BCAM: variants seen among roughly 807,000 people sequenced by gnomAD.
BCAM encodes basal cell adhesion molecule.
A neutral mutation model predicts 72.4 loss-of-function variants in BCAM; 61 were observed. That is an observed-to-expected ratio of 0.84 (90% CI 0.69 to 1.04). The LOEUF (loss-of-function observed/expected upper bound fraction) is 1.04, where lower values mean the gene tolerates loss of function less well. Ranked by LOEUF, BCAM falls within the 50% of genes least tolerant of loss-of-function variation. BCAM has a pLI of 0.00. For missense variants in BCAM, 909 were observed against 895.0 expected (o/e 1.02, Z -0.20); for synonymous variants, 408 against 384.2 (o/e 1.06, Z -0.73).
In BCAM at chr19:44,818,255, A is replaced by G. The variant is rs558114376; in HGVS notation, c.1079-267A>G. On this transcript the variant is annotated intron_variant, in intron 8 of 14. Transcript: ENST00000270233. This position sits in a 1 kb window ranked among gnomAD's most constrained non-coding sequence, Gnocchi z 4.6. ...AGGGACACCTTCCACACCTAAGGTT[A>G]TTCATTAACCTTGGGCTCAGATGTC... is the stretch of plus-strand genomic sequence containing the variant. Among the ~76,000 whole-genome samples the G allele has an allele frequency of 1.4e-3, 219 of 152,344 alleles. No individual in the cohort carries two copies. The highest frequency in any genetic ancestry group is 5.2e-3 in the African/African-American group (215 of 41,590).
At chr19:44,815,390 C>T (rs1968491749) in intron 8 of BCAM, among the ~76,000 whole-genome samples, 1 of 152,162 alleles carries the variant, frequency 6.6e-6, no homozygotes, top group Non-Finnish European at 1.5e-5. Context: ...CTGGGGTAGA[C>T]CCTGCGCCAG....
Position 44,820,812 on chromosome 19 carries a change from T to C in BCAM, c.1871T>C (p.Phe624Ser), listed in dbSNP as rs1484263713. Residue 624 changes from phenylalanine (F) to serine (S), a missense_variant, in exon 14 of 15, where the codon TTC becomes TCC. Coordinates refer to ENST00000270233, the MANE Select transcript of BCAM (RefSeq NM_005581.5). ...SGGARGGSGGFGDEC is the reference protein window; with the variant it reads ...SGGARGGSGGSGDEC The stretch of plus-strand genomic sequence containing the variant: ...GGAGCCAGGGGTGGCAGCGGGGGCT[T>C]CGGAGACGAGGTGGGTGAGGGCCTG... 6.6e-7 allele frequency: 1 copy of C among 1,511,228 alleles called. No homozygotes were observed. The highest frequency in any genetic ancestry group is 8.9e-7 in the Non-Finnish European group (1 of 1,127,352). 93.6% of individuals were successfully genotyped at this position (1,511,228 alleles called of 1,614,324 possible).
Position 44,814,881 on chromosome 19 carries a change from C to T in BCAM, c.1078+121C>T. On this transcript the variant is annotated intron_variant, in intron 8 of 14. Coordinates refer to ENST00000270233, the MANE Select transcript of BCAM (RefSeq NM_005581.5). The surrounding 1 kb of genome is among the most constrained non-coding windows in gnomAD (Gnocchi z 4.6). ...AAACACTCTGCCTTCAACCCTTTCT[C>T]TGCATTTCTTGGGGGTTTTTTTGGT... The T allele has an allele frequency of 9.7e-7, 1 of 1,031,876 alleles. No individual in the cohort carries two copies. Among genetic ancestry groups the T allele is most frequent in the South Asian group, 3.2e-5 (1 of 31,010 alleles). The allele number at this position is 1,031,876 out of a possible 1,614,324, so 63.9% of individuals were successfully genotyped here. A position where few individuals can be genotyped will look rare whatever the true frequency, so the allele number is the denominator to read the frequency against.
rs763419666 is a variant in BCAM, at chr19:44,813,425, C to G, written c.602-13C>G. 6.2e-7 allele frequency: 1 copy of G among 1,608,328 alleles called. No homozygotes were observed. Among genetic ancestry groups the G allele is most frequent in the South Asian group, 1.1e-5 (1 of 90,942 alleles). On this transcript the variant is annotated splice_polypyrimidine_tract_variant and intron_variant, in intron 5 of 14. Coordinates refer to ENST00000270233, the MANE Select transcript of BCAM (RefSeq NM_005581.5). This position sits in a 1 kb window ranked among gnomAD's most constrained non-coding sequence, Gnocchi z 4.2. Reference sequence around the variant, plus strand: ...TGGCCTGGCTGACTGCCACCTCCCCCGATCTCTCCCAGAGGGCTACATGAC... The same window carrying G: ...TGGCCTGGCTGACTGCCACCTCCCCGGATCTCTCCCAGAGGGCTACATGAC...
chr19:44,813,581 G>C lies in BCAM; in HGVS notation c.745G>C (p.Gly249Arg). The C allele has an allele frequency of 6.2e-7, 1 of 1,612,518 alleles. No homozygotes were observed. Residue 249 changes from glycine (G) to arginine (R), a missense_variant, in exon 6 of 15, where the codon GGC becomes CGC. By Grantham distance (125) the Gly-to-Arg change is moderately radical. Transcript: ENST00000270233. The surrounding 1 kb of genome is among the most constrained non-coding windows in gnomAD (Gnocchi z 4.2). ...AHYSLPEGRHGRLDSPTFHLT... is the reference protein window; with the variant it reads ...AHYSLPEGRHRRLDSPTFHLT... ...CTACAGCCTGCCCGAGGGCCGCCACGGCCGCCTGGACAGCCCCACCTTCCA... is the reference window on the plus strand; with the variant it reads ...CTACAGCCTGCCCGAGGGCCGCCACCGCCGCCTGGACAGCCCCACCTTCCA...
chr19:44,809,431 G>A (rs1968388232), intron 1 of BCAM, among the ~76,000 whole-genome samples: 1 of 152,020 alleles, frequency 6.6e-6, no homozygotes, highest in African/African-American at 2.4e-5. Context: ...GACAACCAGA[G>A]AAGTCAGCCC....
chr19:44,821,128 G>C lies in BCAM; in HGVS notation c.*207G>C. 1.9e-6 allele frequency: 1 copy of C among 523,720 alleles called. No individual in the cohort carries two copies. 32.4% of individuals were successfully genotyped at this position (523,720 alleles called of 1,614,324 possible). A position where few individuals can be genotyped will look rare whatever the true frequency, so the allele number is the denominator to read the frequency against. On this transcript the variant is annotated 3_prime_UTR_variant, in exon 15 of 15. Coordinates refer to ENST00000270233, the MANE Select transcript of BCAM (RefSeq NM_005581.5). ...AAGGAGAGGGAGGGTGGGTGGGTGGGAGGGGGCCTTCCTCCAGGGAATGTG... is the reference window on the plus strand; with the variant it reads ...AAGGAGAGGGAGGGTGGGTGGGTGGCAGGGGGCCTTCCTCCAGGGAATGTG...
chr19:44,819,805 T>C (rs1156485484), intron 13 of BCAM, 79 bp downstream of exon 13: 2 of 1,459,464 alleles, frequency 1.4e-6, no homozygotes, highest in Non-Finnish European at 9.0e-7. Flanking sequence ...ACCCATAACC[T>C]CAACCACATC....
chr19:44,810,179 G>GA (rs1160755489), intron 1 of BCAM, among the ~76,000 whole-genome samples: 1 of 152,040 alleles, frequency 6.6e-6, no homozygotes, highest in East Asian at 1.9e-4. Flanking sequence ...GAGGGTGAGG[G>GA]AGGGTGGTGG....
rs1179009904 is a variant in BCAM, at chr19:44,812,364, G to A, written c.406G>A (p.Glu136Lys). The change falls in exon 3 of 15, where the codon GAG becomes AAG. Residue 136 changes from glutamate (E) to lysine (K), a missense_variant. Coordinates refer to ENST00000270233, the MANE Select transcript of BCAM (RefSeq NM_005581.5). This position sits in a 1 kb window ranked among gnomAD's most constrained non-coding sequence, Gnocchi z 5.3. ...VVRAGAAGTA[E>K]ATARLNVFAK... ...GAGGGCAGGGGCGGCAGGCACTGCTGAGGCCACTGCGCGGCTCAACGTGTT... is the reference window on the plus strand; with the variant it reads ...GAGGGCAGGGGCGGCAGGCACTGCTAAGGCCACTGCGCGGCTCAACGTGTT... The A allele has an allele frequency of 1.2e-6, 2 of 1,613,908 alleles. No individual in the cohort carries two copies. Among genetic ancestry groups the A allele is most frequent in the Non-Finnish European group, 1.7e-6 (2 of 1,179,898 alleles).
intron 1 of BCAM, 134 bp downstream of exon 1, chr19:44,809,340 G>A: frequency 1.4e-6 from 1 of 691,880 alleles, no homozygotes; most frequent in Middle Eastern, 3.7e-4. Flanking sequence ...ATATGGGAGT[G>A]TTGGAAGGTA....
At chr19:44,810,486 C>T (rs1377355501) in intron 1 of BCAM, among the ~76,000 whole-genome samples, 2 of 152,114 alleles carry the variant, frequency 1.3e-5, no homozygotes, top group African/African-American at 4.8e-5. Context: ...CGGGCCCAGC[C>T]GCAGCCCACA....
intron 11 of BCAM, 75 bp downstream of exon 11, chr19:44,819,267 G>A: frequency 6.2e-7 from 1 of 1,610,214 alleles, no homozygotes; most frequent in East Asian, 2.2e-5. Context: ...CACTTCCTGG[G>A]AGACTGGACG....
In BCAM at chr19:44,820,692, C is replaced by T. The variant is rs1968573183; in HGVS notation, c.1764-13C>T. ...CCAACACGACGCCTCCGCCCGCTGC[C>T]TCCTCCCCCCAGGCCGCCAGGGGAG... On this transcript the variant is annotated splice_polypyrimidine_tract_variant and intron_variant, in intron 13 of 14. Transcript: ENST00000270233. The T allele has an allele frequency of 7.1e-7, 1 of 1,404,104 alleles. No individual in the cohort carries two copies. The highest frequency in any genetic ancestry group is 9.3e-7 in the Non-Finnish European group (1 of 1,075,026). The allele number at this position is 1,404,104 out of a possible 1,614,324, so 87.0% of individuals were successfully genotyped here. A position where few individuals can be genotyped will look rare whatever the true frequency, so the allele number is the denominator to read the frequency against.
Position 44,813,368 on chromosome 19 carries a change from C to G in BCAM, c.601+22C>G, listed in dbSNP as rs753579240. The G allele has an allele frequency of 1.9e-6, 3 of 1,611,220 alleles. No homozygotes were observed. The highest frequency in any genetic ancestry group is 4.5e-5 in the East Asian group (2 of 44,826). On this transcript the variant is annotated intron_variant, in intron 5 of 14. Coordinates refer to ENST00000270233, the MANE Select transcript of BCAM (RefSeq NM_005581.5). This position sits in a 1 kb window ranked among gnomAD's most constrained non-coding sequence, Gnocchi z 4.2. ...CCAGGTGAGCAGCGCAGGAGCGCGG[C>G]GGGACGTGGGCTGGGGTGGGTGGCG...
rs540071152 is a variant in BCAM at position 44,812,990 on chromosome 19, G to T, written c.505-260G>T. 16 of 493,628 alleles carry T rather than the reference G, an allele frequency of 3.2e-5. No individual in the cohort carries two copies. The highest frequency in any genetic ancestry group is 3.0e-4 in the African/African-American group (15 of 50,018). The allele number at this position is 493,628 out of a possible 1,614,324, so 30.6% of individuals were successfully genotyped here. A position where few individuals can be genotyped will look rare whatever the true frequency, so the allele number is the denominator to read the frequency against. Reference sequence around the variant, plus strand: ...AAGAAGAAGAAAAGAAAAAAGAAAGGAAGGGCAGAGGGGGAAGACTCCTGT... The same window carrying T: ...AAGAAGAAGAAAAGAAAAAAGAAAGTAAGGGCAGAGGGGGAAGACTCCTGT... On this transcript the variant is annotated intron_variant, in intron 4 of 14. Transcript: ENST00000270233. This position sits in a 1 kb window ranked among gnomAD's most constrained non-coding sequence, Gnocchi z 5.3.
chr19:44,810,724 G>A (rs918545329), intron 1 of BCAM, among the ~76,000 whole-genome samples: 3 of 152,210 alleles, frequency 2.0e-5, no homozygotes, highest in Admixed American at 6.5e-5. Flanking sequence ...GGGGGGTGGC[G>A]TGTGCTCTGT....
At chr19:44,809,370 T>G (rs955379360) in intron 1 of BCAM, among the ~76,000 whole-genome samples, 164 bp downstream of exon 1, 1 of 151,968 alleles carries the variant, frequency 6.6e-6, no homozygotes, top group Admixed American at 6.6e-5. Flanking sequence ...GTGAGAGAGA[T>G]CTGGGGACAG....
At chr19:44,820,847 G>A in intron 14 of BCAM, 25 bp downstream of exon 14, 1 of 1,529,674 alleles carries the variant, frequency 6.5e-7, no homozygotes, top group South Asian at 1.2e-5. Flanking sequence ...GGGCCCCCTG[G>A]TGAGAGGGAC....
Sources: gnomAD v4.1 joint callset for allele counts (sites outside exome capture counted in the v4.1 genomes callset) on GRCh38, gnomAD v4.1.1 for gene constraint, Gnocchi (gnomAD v3.1) non-coding constraint, MANE v1.5 for transcripts, NCBI Gene and HGNC (gene_info 2026-07-23, HGNC 2026-07-21) for gene names.